Variants in PCF11 observed in about 807,000 individuals in gnomAD.
The protein encoded by PCF11 is PCF11 cleavage and polyadenylation factor subunit, also known as pre-mRNA cleavage complex 2 protein Pcf11.
In PCF11, 19 loss-of-function variants were observed where a neutral mutation model predicts 166.1. The observed-to-expected ratio is 0.11, with a 90% CI of 0.08 to 0.17. The LOEUF (loss-of-function observed/expected upper bound fraction) is 0.17, where lower values mean the gene tolerates loss of function less well. PCF11 is among the 10% of genes least tolerant of loss of function. The pLI is 1.00. For missense variants in PCF11, 1,565 were observed against 1,855.5 expected (o/e 0.84, Z 2.88); for synonymous variants, 663 against 644.1 (o/e 1.03, Z -0.44).
chr11:83,157,185 C>T (rs947400838), exon 1 of PCF11: 25 of 574,592 alleles, frequency 4.4e-5, no homozygotes, highest in South Asian at 3.6e-4. Flanking sequence ...CCGCCACTGC[C>T]GCCGCCATTT....
exon 9 of PCF11, chr11:83,171,848 T>C: frequency 6.2e-7 from 1 of 1,604,868 alleles, no homozygotes; most frequent in Non-Finnish European, 8.5e-7. Context: ...GCCAGTAGCT[T>C]TTGGTCAAGG....
chr11:83,177,280 T>C (rs1860920417), intron 10 of PCF11, 76 bp downstream of exon 10: 8 of 1,105,468 alleles, frequency 7.2e-6, no homozygotes, highest in Non-Finnish European at 8.6e-6. Flanking sequence ...TATAATGATA[T>C]AAGTTATGAT....
In PCF11 at chr11:83,175,250, A is replaced by T. The variant is rs373945381; in HGVS notation, c.3758-1835A>T. 2.0e-4 allele frequency among the ~76,000 whole-genome samples: 30 copies of T among 152,252 alleles called. No individual in the cohort carries two copies. The East Asian group carries it at 3.1e-3, about 16-fold the overall frequency. On this transcript the variant is annotated intron_variant, in intron 9 of 15. Transcript: ENST00000298281. ...CAGTTTCAAACGATTCTCATGCCTCAGCCTTCTGAGTAGCTGGATTACAGG... is the reference window on the plus strand; with the variant it reads ...CAGTTTCAAACGATTCTCATGCCTCTGCCTTCTGAGTAGCTGGATTACAGG...
intron 2 of PCF11, among the ~76,000 whole-genome samples, chr11:83,162,472 TAATAG>T (rs1474628936): frequency 6.6e-6 from 1 of 152,232 alleles, no homozygotes; most frequent in Non-Finnish European, 1.5e-5. Context: ...AAATGCTTGT[TAATAG>T]AATATTGTAG....
chr11:83,162,451 A>G (rs761589898), intron 2 of PCF11, among the ~76,000 whole-genome samples: 34 of 152,368 alleles, frequency 2.2e-4, no homozygotes, highest in Non-Finnish European at 4.0e-4. Context: ...GCTCTATATC[A>G]TATAGCATTA....
chr11:83,170,646 C>CT (rs1565157276), intron 8 of PCF11, among the ~76,000 whole-genome samples: 1 of 152,190 alleles, frequency 6.6e-6, no homozygotes, highest in Non-Finnish European at 1.5e-5. Flanking sequence ...ACTGAGACAA[C>CT]TTTAAGGCAG....
At chr11:83,165,876 A>G (rs1447809791) in exon 5 of PCF11, 1 of 1,605,484 alleles carries the variant, frequency 6.2e-7, no homozygotes, top group African/African-American at 1.3e-5. Context: ...CCAGTCTGAT[A>G]CTAAGACAAG....
At chr11:83,175,311 T>C (rs1860837471) in intron 9 of PCF11, among the ~76,000 whole-genome samples, 1 of 152,162 alleles carries the variant, frequency 6.6e-6, no homozygotes, top group Admixed American at 6.5e-5. Flanking sequence ...TTTGTATTTT[T>C]TAGTAGAGAC....
chr11:83,166,726 A>G lies in PCF11; in HGVS notation c.1817+12A>G. The G allele has an allele frequency of 6.4e-7, 1 of 1,569,726 alleles. No homozygotes were observed. Among genetic ancestry groups the G allele is most frequent in the Non-Finnish European group, 8.6e-7 (1 of 1,163,682 alleles). Reference sequence around the variant, plus strand: ...GAAGAAAATAAAAGGTATGATGTTAACATTTTAAGTCAAGTGTAGTAGTGT... The same window carrying G: ...GAAGAAAATAAAAGGTATGATGTTAGCATTTTAAGTCAAGTGTAGTAGTGT... On this transcript the variant is annotated intron_variant, in intron 5 of 15. Coordinates refer to ENST00000298281, the Ensembl canonical transcript of PCF11.
At chr11:83,157,231 G>C (rs942794477) in exon 1 of PCF11, 6 of 590,360 alleles carry the variant, frequency 1.0e-5, no homozygotes, top group African/African-American at 9.3e-5. Flanking sequence ...GTGGCGGCTG[G>C]AAGTGGACGG....
intron 4 of PCF11, 80 bp from the exon 5 acceptor site, chr11:83,165,520 T>G (rs1013908973): frequency 8.9e-6 from 9 of 1,009,148 alleles, no homozygotes; most frequent in African/African-American, 1.6e-5. Flanking sequence ...AATAAAGCAT[T>G]ATCTTCTTCA....
At chr11:83,162,660 CATT>C (rs1565151111) in intron 2 of PCF11, among the ~76,000 whole-genome samples, 1 of 152,196 alleles carries the variant, frequency 6.6e-6, no homozygotes, top group Non-Finnish European at 1.5e-5. Context: ...GTAATAAATA[CATT>C]ATTATCTGAA....
At chr11:83,171,908 C>T in exon 9 of PCF11, 1 of 1,499,816 alleles carries the variant, frequency 6.7e-7, no homozygotes, top group Non-Finnish European at 9.3e-7. Flanking sequence ...TGTTCAGAAT[C>T]CTTCAGGTAT....
chr11:83,158,491 C>G (rs945318858), intron 1 of PCF11: 1 of 152,098 alleles, frequency 6.6e-6, no homozygotes, highest in African/African-American at 2.4e-5. Context: ...TTTTCTTTAC[C>G]CCTTGACAGA....
At chr11:83,161,954 A>G (rs1023158098) in intron 2 of PCF11, among the ~76,000 whole-genome samples, 2 of 152,138 alleles carry the variant, frequency 1.3e-5, no homozygotes, top group Non-Finnish European at 2.9e-5. Flanking sequence ...GGTATGTTTT[A>G]GGTGAATGTT....
chr11:83,184,993 A>G, exon 16 of PCF11: 3 of 740,728 alleles, frequency 4.1e-6, no homozygotes, highest in Non-Finnish European at 4.2e-6. Flanking sequence ...ATCTATATAA[A>G]TTGTCTGGCT....
At chr11:83,176,568 A>C (rs1738693628) in intron 9 of PCF11, among the ~76,000 whole-genome samples, 1 of 152,094 alleles carries the variant, frequency 6.6e-6, no homozygotes, top group Non-Finnish European at 1.5e-5. Context: ...CCATCATTCT[A>C]AGCAAACTAT....
chr11:83,165,065 C>G (rs576229444), intron 4 of PCF11, among the ~76,000 whole-genome samples: 2 of 152,250 alleles, frequency 1.3e-5, no homozygotes, highest in Admixed American at 6.5e-5. Flanking sequence ...GCTCCATGAA[C>G]AGAAATGACA....
At chr11:83,181,949 A>T (rs1478686483) in exon 13 of PCF11, 1 of 1,612,902 alleles carries the variant, frequency 6.2e-7, no homozygotes, top group East Asian at 2.2e-5. Flanking sequence ...TCAAAACTCA[A>T]GAGGCTGCTA....
Sources: allele counts gnomAD v4.1 joint callset (sites outside exome capture counted in the v4.1 genomes callset), GRCh38; gene constraint gnomAD v4.1.1; transcripts MANE v1.5; gene names NCBI Gene and HGNC (gene_info 2026-07-23, HGNC 2026-07-21).